Variants in CIITA observed in about 807,000 individuals in gnomAD.
CIITA encodes the protein MHC class II transactivator.
Under a neutral mutation model 115.1 loss-of-function variants are expected in CIITA, and 72 were observed. That is an observed-to-expected ratio of 0.63 (90% confidence interval 0.52 to 0.76). CIITA has a LOEUF of 0.76. Among genes scored for constraint, CIITA ranks in the 30% least tolerant of loss-of-function variants. The pLI, the probability that CIITA is intolerant of heterozygous loss-of-function variation, is 0.00. For missense variants in CIITA, 1,617 were observed against 1,463.8 expected (o/e 1.10, Z -1.71); for synonymous variants, 763 against 635.6 (o/e 1.20, Z -3.02).
chr16:10,889,348 G>C (rs910674044), intron 1 of CIITA, among the ~76,000 whole-genome samples: 2 of 152,092 alleles, frequency 1.3e-5, no homozygotes, highest in East Asian at 1.9e-4. Context: ...GTGTGACTGG[G>C]AGGCAGCTGT....
chr16:10,884,341 C>T (rs1321093181), intron 1 of CIITA, among the ~76,000 whole-genome samples: 1 of 152,186 alleles, frequency 6.6e-6, no homozygotes, highest in Non-Finnish European at 1.5e-5. Context: ...AAAGGAGCAG[C>T]AGGCAGGTGT....
At chr16:10,902,208 G>T (rs1297702865) in intron 7 of CIITA, 24 bp downstream of exon 7, 2 of 1,613,730 alleles carry the variant, frequency 1.2e-6, no homozygotes, top group East Asian at 2.2e-5. Context: ...CTTGGAGAGA[G>T]TGGGCTTTCT....
At position 10,923,166 on chromosome 16, in the gene CIITA, A is replaced by T; in HGVS notation, c.3318-62A>T. ...AAGGAGGGATTTGGGGGCAGCTGTC[A>T]CTGGGGCCCCAGGCCGCCCTCTCTC... On this transcript the variant is annotated intron_variant, in intron 18 of 19. Coordinates refer to ENST00000324288, the MANE Select transcript of CIITA (RefSeq NM_000246.4). This position sits in a 1 kb window ranked among gnomAD's most constrained non-coding sequence, Gnocchi z 5.2. The T allele has an allele frequency of 6.9e-7, 1 of 1,449,070 alleles. No homozygotes were observed. The highest frequency in any genetic ancestry group is 9.6e-7 in the Non-Finnish European group (1 of 1,036,520). 89.8% of individuals were successfully genotyped at this position (1,449,070 alleles called of 1,614,324 possible). A position where few individuals can be genotyped will look rare whatever the true frequency, so the allele number is the denominator to read the frequency against.
chr16:10,874,407 C>A (rs2035689555), upstream of CIITA, among the ~76,000 whole-genome samples: 1 of 152,164 alleles, frequency 6.6e-6, no homozygotes, highest in African/African-American at 2.4e-5. Flanking sequence ...GGTTGTCATT[C>A]TGCCTCTGAG....
intron 1 of CIITA, among the ~76,000 whole-genome samples, chr16:10,866,967 C>T (rs935891794): frequency 5.9e-5 from 9 of 152,082 alleles, no homozygotes; most frequent in Non-Finnish European, 8.8e-5. Context: ...GAAATGGGGC[C>T]GGGTGCACTG....
At chr16:10,908,732 A>T (rs1316423736) in intron 11 of CIITA, 1 of 580,198 alleles carries the variant, frequency 1.7e-6, no homozygotes, top group Non-Finnish European at 3.1e-6. Context: ...GATTGCTTCC[A>T]TATTTCCCCC....
rs980367583 is a variant in CIITA, at chr16:10,904,815, G to A, written c.1006+3G>A. The A allele has an allele frequency of 2.5e-6, 4 of 1,614,190 alleles. No homozygotes were observed. Among genetic ancestry groups the A allele is most frequent in the Admixed American group, 1.7e-5 (1 of 60,026 alleles). On this transcript the variant is annotated splice_donor_region_variant and intron_variant, in intron 10 of 19. Transcript: ENST00000324288. ...CAACAAGCTTCCAAAATGGCCTGGT[G>A]AGTGATGCGGGATCTCTCTGCCCTG... is the stretch of plus-strand genomic sequence containing the variant.
upstream of CIITA, among the ~76,000 whole-genome samples, chr16:10,873,579 C>G (rs564195125): frequency 4.3e-4 from 66 of 152,294 alleles, no homozygotes; most frequent in South Asian, 0.013. Context: ...TCCCAGCATT[C>G]TTCCTTGGCT....
At chr16:10,909,796 C>G (rs867237849) in intron 12 of CIITA, among the ~76,000 whole-genome samples, 2 of 152,080 alleles carry the variant, frequency 1.3e-5, no homozygotes, top group African/African-American at 4.8e-5. Context: ...TACAGTAGTG[C>G]GATCATAGCT....
At chr16:10,875,956 C>T (rs781605958), upstream of CIITA, among the ~76,000 whole-genome samples, 3 of 151,998 alleles carry the variant, frequency 2.0e-5, no homozygotes, top group Non-Finnish European at 4.4e-5. Flanking sequence ...GGCGAAAGAG[C>T]GCGACTCCGT....
rs2040914220 is a variant in CIITA, at chr16:10,934,037, A to T, written c.*10182A>T. 6.6e-6 allele frequency: 1 copy of T among 152,170 alleles called. No homozygotes were observed. Among genetic ancestry groups the T allele is most frequent in the South Asian group, 2.1e-4 (1 of 4,828 alleles). 9.4% of individuals were successfully genotyped at this position (152,170 alleles called of 1,614,324 possible). A position where few individuals can be genotyped will look rare whatever the true frequency, so the allele number is the denominator to read the frequency against. On this transcript the variant is annotated 3_prime_UTR_variant, in exon 20 of 20. Transcript: ENST00000324288. This position sits in a 1 kb window ranked among gnomAD's most constrained non-coding sequence, Gnocchi z 4.2. ...AAGCCAACGTCACAGAGAAATGATG[A>T]CCACTTTCTCAAACCTGGCTTCGGA...
In CIITA at chr16:10,907,791, G is replaced by T; in HGVS notation, c.2299G>T (p.Ala767Ser). 1 of 1,614,154 alleles carries T rather than the reference G, an allele frequency of 6.2e-7. No homozygotes were observed. The highest frequency in any genetic ancestry group is 8.5e-7 in the Non-Finnish European group (1 of 1,180,010). Residue 767 changes from alanine to serine, a missense_variant, in exon 11 of 20, where the codon GCC (alanine) becomes TCC (serine). Physicochemically the swap from Ala to Ser is moderately conservative, Grantham distance 99. Coordinates refer to ENST00000324288, the MANE Select transcript of CIITA (RefSeq NM_000246.4). This position sits in a 1 kb window ranked among gnomAD's most constrained non-coding sequence, Gnocchi z 5.0. ...FLAGLIFQPP[A>S]RCLGALLGPS... ...GGCTGGGCTGATCTTCCAGCCTCCC[G>T]CCCGCTGCCTGGGAGCCCTACTCGG...
Position 10,923,450 on chromosome 16 carries a change from C to A in CIITA, c.*22+125C>A. 1.4e-6 allele frequency: 1 copy of A among 731,400 alleles called. No individual in the cohort carries two copies. The highest frequency in any genetic ancestry group is 2.7e-5 in the East Asian group (1 of 37,654). The allele number at this position is 731,400 out of a possible 1,614,324, so 45.3% of individuals were successfully genotyped here. On this transcript the variant is annotated intron_variant, in intron 19 of 19. Transcript: ENST00000324288. The surrounding 1 kb of genome is among the most constrained non-coding windows in gnomAD (Gnocchi z 5.2). Reference sequence around the variant, plus strand: ...CTAGGCCACCACCCTTGGACGCATGCGTCATCAGAGACATCCCCTCATCTC... The same window carrying A: ...CTAGGCCACCACCCTTGGACGCATGAGTCATCAGAGACATCCCCTCATCTC...
At chr16:10,894,719 T>A (rs1306592689) in intron 1 of CIITA, among the ~76,000 whole-genome samples, 1 of 152,240 alleles carries the variant, frequency 6.6e-6, no homozygotes, top group Non-Finnish European at 1.5e-5. Flanking sequence ...GAGCAGAGAC[T>A]TGCTCAAGTC....
At position 10,908,001 on chromosome 16, in the gene CIITA, G is replaced by C; in HGVS notation, c.2509G>C (p.Gly837Arg). ...GCTCCCCGGCCGCCTCTCTTTTCTG[G>C]GCACCCGCCTCACGCCTCCTGATGC... is the stretch of plus-strand genomic sequence containing the variant. The part of the protein sequence containing the change: ...QELPGRLSFL[G>R]TRLTPPDAHV... Residue 837 changes from glycine to arginine, a missense_variant, in exon 11 of 20, where the codon GGC (glycine) becomes CGC (arginine). Transcript: ENST00000324288. 1 of 1,595,310 alleles carries C rather than the reference G, an allele frequency of 6.3e-7. No individual in the cohort carries two copies. The highest frequency in any genetic ancestry group is 8.6e-7 in the Non-Finnish European group (1 of 1,168,688).
At position 10,923,175 on chromosome 16, in the gene CIITA, C is replaced by G; in HGVS notation, c.3318-53C>G. ...TTTGGGGGCAGCTGTCACTGGGGCC[C>G]CAGGCCGCCCTCTCTCCTCTAACCT... On this transcript the variant is annotated intron_variant, in intron 18 of 19. Transcript: ENST00000324288. This position sits in a 1 kb window ranked among gnomAD's most constrained non-coding sequence, Gnocchi z 5.2. 6 of 1,560,484 alleles carry G rather than the reference C, an allele frequency of 3.8e-6. No homozygotes were observed. The East Asian group carries it at 1.1e-4, about 29-fold the overall frequency.
At position 10,902,392 on chromosome 16, in the gene CIITA, C is replaced by T. The variant is rs549159317; in HGVS notation, c.628+208C>T. 2.2e-4 allele frequency among the ~76,000 whole-genome samples: 34 copies of T among 152,278 alleles called. 1 individual carries two copies. The South Asian group carries it at 6.6e-3, about 30-fold the overall frequency. ...AACATGCCTCAGAAGGAAACACATC[C>T]GTGCGAGCATCAGGAGGGAATCTCC... On this transcript the variant is annotated intron_variant, in intron 7 of 19. Coordinates refer to ENST00000324288, the MANE Select transcript of CIITA (RefSeq NM_000246.4).
chr16:10,871,459 G>T (rs1053278891), intron 1 of CIITA, among the ~76,000 whole-genome samples: 1 of 152,158 alleles, frequency 6.6e-6, no homozygotes, highest in Admixed American at 6.5e-5. Context: ...CTACTTTGTT[G>T]GTTGTTTTTG....
intron 1 of CIITA, among the ~76,000 whole-genome samples, chr16:10,867,844 T>C (rs1176128998): frequency 2.6e-5 from 4 of 152,148 alleles, no homozygotes; most frequent in African/African-American, 9.7e-5. Flanking sequence ...CAGCCTCCAT[T>C]TGCGGTGCTT....
Sources: allele counts gnomAD v4.1 joint callset (sites outside exome capture counted in the v4.1 genomes callset), GRCh38; gene constraint gnomAD v4.1.1; non-coding constraint Gnocchi (gnomAD v3.1); transcripts MANE v1.5; gene names NCBI Gene and HGNC (gene_info 2026-07-23, HGNC 2026-07-21).